The following IL18R1 variants were observed in gnomAD, a reference collection of about 807,000 sequenced individuals.
IL18R1 encodes the protein interleukin-18 receptor 1.
IL18R1 carries 40 observed loss-of-function variants against 48.5 expected under a neutral mutation model. The ratio of observed to expected loss-of-function variants is 0.82; its 90% CI spans 0.64 to 1.07. The LOEUF (loss-of-function observed/expected upper bound fraction) is 1.07. IL18R1 is among the 50% of genes least tolerant of loss of function. The probability of loss-of-function intolerance (pLI) is 0.00; values close to 1 mark genes in which losing one functional copy is unlikely to be tolerated. For synonymous variants in IL18R1, 232 were observed against 225.9 expected, an observed-to-expected ratio of 1.03 and a Z score of -0.24; for missense variants, 596 against 633.7, an observed-to-expected ratio of 0.94 and a Z score of 0.64.
Position 102,381,631 on chromosome 2 carries a change from A to G in IL18R1, c.637A>G (p.Ile213Val), listed in dbSNP as rs2105094351. The G allele has an allele frequency of 3.7e-6, 6 of 1,612,924 alleles. No homozygotes were observed. The highest frequency in any genetic ancestry group is 5.1e-6 in the Non-Finnish European group (6 of 1,178,898). ...NITIVEDRSN[I>V]VPVLLGPKLN... ...TTTGTCACTTCTAGATCGCAGTAAT[A>G]TAGTTCCGGTTCTTCTTGGACCAAA... Residue 213 changes from isoleucine (I) to valine (V), a missense_variant, in exon 6 of 11, where the codon ATA becomes GTA. Ile to Val is a conservative substitution (Grantham distance 29). This residue lies in a region of IL18R1 where 360 missense variants were observed against 339.4 expected (regional missense o/e 1.06). Transcript: ENST00000233957.
chr2:102,356,512 GAT>G (rs1054233958), intron 1 of IL18R1, 112 bp downstream of exon 1: 7 of 155,946 alleles, frequency 4.5e-5, no homozygotes, highest in Non-Finnish European at 8.4e-5. Context: ...GAGAGAGAGA[GAT>G]AGTGTGTGTG....
Position 102,376,069 on chromosome 2 carries a change from G to A in IL18R1, c.625+6G>A. On this transcript the variant is annotated splice_donor_region_variant and intron_variant, in intron 5 of 10. Coordinates refer to ENST00000233957, the MANE Select transcript of IL18R1 (RefSeq NM_003855.5). Reference sequence around the variant, plus strand: ...CAATATAACAATAGTGGAAGGTAAGGGAAATCTTAGAATTGGGAAGAAACA... The same window carrying A: ...CAATATAACAATAGTGGAAGGTAAGAGAAATCTTAGAATTGGGAAGAAACA... The A allele has an allele frequency of 1.3e-6, 2 of 1,550,850 alleles. No individual in the cohort carries two copies. The highest frequency in any genetic ancestry group is 8.7e-7 in the Non-Finnish European group (1 of 1,154,644).
intron 2 of IL18R1, among the ~76,000 whole-genome samples, chr2:102,364,781 A>G (rs989151702): frequency 6.6e-6 from 1 of 152,196 alleles, no homozygotes; most frequent in Non-Finnish European, 1.5e-5. Context: ...GGGAGGCCTC[A>G]GGAAGCTTAC....
intron 2 of IL18R1, among the ~76,000 whole-genome samples, chr2:102,364,081 G>A (rs1678745533): frequency 6.6e-6 from 1 of 152,126 alleles, no homozygotes; most frequent in African/African-American, 2.4e-5. Flanking sequence ...GGGTGGTGTG[G>A]ACTTTCAATT....
Position 102,380,715 on chromosome 2 carries a change from G to A in IL18R1, c.626-905G>A, listed in dbSNP as rs138360799. ...TCAGGGAGGTGTGGGAGCTGCAGGA[G>A]CACTCCTGAGTCTCACTGTACTCCA... On this transcript the variant is annotated intron_variant, in intron 5 of 10. Coordinates refer to ENST00000233957, the MANE Select transcript of IL18R1 (RefSeq NM_003855.5). 2.3e-3 allele frequency among the ~76,000 whole-genome samples: 354 copies of A among 152,294 alleles called. 1 individual carries two copies. The highest frequency in any genetic ancestry group is 3.2e-3 in the Non-Finnish European group (219 of 68,028).
chr2:102,357,628 G>A (rs894305211), intron 1 of IL18R1, among the ~76,000 whole-genome samples: 7 of 152,142 alleles, frequency 4.6e-5, no homozygotes, highest in Non-Finnish European at 8.8e-5. Context: ...TGTGCCATTT[G>A]GGGCTGTTGC....
intron 5 of IL18R1, among the ~76,000 whole-genome samples, chr2:102,377,759 C>T (rs1679679473): frequency 6.6e-6 from 1 of 152,228 alleles, no homozygotes; most frequent in Admixed American, 6.5e-5. Context: ...CTGTCTCCCT[C>T]TGATGAGGAC....
rs1680913191 is a variant in IL18R1 at position 102,398,101 on chromosome 2, T to C, written c.*1215T>C. ...ACAGAGCAGGGAAGGGAAGCAGATCTAGGGAGGAAGGCAGTTTTGATTTGA... is the reference window on the plus strand; with the variant it reads ...ACAGAGCAGGGAAGGGAAGCAGATCCAGGGAGGAAGGCAGTTTTGATTTGA... On this transcript the variant is annotated 3_prime_UTR_variant, in exon 11 of 11. Coordinates refer to ENST00000233957, the MANE Select transcript of IL18R1 (RefSeq NM_003855.5). The C allele has an allele frequency of 6.6e-6, 1 of 152,340 alleles. No individual in the cohort carries two copies. 9.4% of individuals were successfully genotyped at this position (152,340 alleles called of 1,614,324 possible).
intron 10 of IL18R1, among the ~76,000 whole-genome samples, chr2:102,395,123 A>T (rs1461582319): frequency 6.6e-6 from 1 of 152,206 alleles, no homozygotes; most frequent in Admixed American, 6.5e-5. Flanking sequence ...GAAAATTGAA[A>T]AGGGAAAAAT....
At chr2:102,357,700 G>A (rs1376789330) in intron 1 of IL18R1, among the ~76,000 whole-genome samples, 1 of 152,058 alleles carries the variant, frequency 6.6e-6, no homozygotes, top group Non-Finnish European at 1.5e-5. Context: ...CTAGGGACCT[G>A]GCATCTGGGA....
At chr2:102,362,991 C>T (rs575830057) in intron 2 of IL18R1, 1 of 250,670 alleles carries the variant, frequency 4.0e-6, no homozygotes, top group Non-Finnish European at 7.5e-6. Flanking sequence ...TTGAAACACA[C>T]TTTCTCCTTC....
Position 102,397,244 on chromosome 2 carries a change from A to G in IL18R1, c.*358A>G, listed in dbSNP as rs905628650. The G allele has an allele frequency of 5.2e-6, 1 of 191,050 alleles. No individual in the cohort carries two copies. Among genetic ancestry groups the G allele is most frequent in the South Asian group, 1.5e-4 (1 of 6,884 alleles). 11.8% of individuals were successfully genotyped at this position (191,050 alleles called of 1,614,324 possible). The stretch of plus-strand genomic sequence containing the variant: ...AAAAGGGCGCATCTTTAAGAGTTTT[A>G]ATGCCAGTGCTTAATTCGAATGAGG... On this transcript the variant is annotated 3_prime_UTR_variant, in exon 11 of 11. Transcript: ENST00000233957.
intron 9 of IL18R1, among the ~76,000 whole-genome samples, chr2:102,390,978 A>G (rs929708784): frequency 1.9e-4 from 28 of 149,814 alleles, no homozygotes; most frequent in African/African-American, 6.6e-4. Context: ...CCGAGCTGGA[A>G]GCCAAATGAT....
At chr2:102,389,986 C>G in intron 8 of IL18R1, 70 bp from the exon 9 acceptor site, 1 of 1,491,414 alleles carries the variant, frequency 6.7e-7, no homozygotes, top group Non-Finnish European at 9.2e-7. Flanking sequence ...AATGGACAAG[C>G]ACGTGATGAT....
chr2:102,394,463 T>A lies in IL18R1; in HGVS notation c.1112-6T>A. The A allele has an allele frequency of 6.2e-7, 1 of 1,603,330 alleles. No individual in the cohort carries two copies. The highest frequency in any genetic ancestry group is 8.5e-7 in the Non-Finnish European group (1 of 1,173,988). ...ATGAATTAAAAGAGCCAATCTTACC[T>A]CCTAGATGGAAAAACATATGATGCT... On this transcript the variant is annotated splice_region_variant and splice_polypyrimidine_tract_variant and intron_variant, in intron 9 of 10. Transcript: ENST00000233957.
At chr2:102,372,369 A>ACTC (rs959990848) in intron 4 of IL18R1, among the ~76,000 whole-genome samples, 12 of 151,692 alleles carry the variant, frequency 7.9e-5, no homozygotes, top group African/African-American at 2.9e-4. Flanking sequence ...CTTCTCCCAC[A>ACTC]CTCTTCCTTC....
At chr2:102,369,354 G>A (rs916581268) in intron 3 of IL18R1, among the ~76,000 whole-genome samples, 2 of 152,342 alleles carry the variant, frequency 1.3e-5, no homozygotes, top group African/African-American at 2.4e-5. Flanking sequence ...TTCTGATACG[G>A]GTAGTAGAGA....
chr2:102,375,765 T>A, intron 4 of IL18R1, 142 bp from the exon 5 acceptor site: 1 of 529,926 alleles, frequency 1.9e-6, no homozygotes. Context: ...TAGTACCAAG[T>A]AACTGGGACA....
intron 3 of IL18R1, among the ~76,000 whole-genome samples, chr2:102,369,690 C>A (rs1440304867): frequency 6.6e-6 from 1 of 152,208 alleles, no homozygotes. Context: ...TGTGTTCTAA[C>A]TTAGGTGTGT....
Sources: gnomAD v4.1 joint callset for allele counts (sites outside exome capture counted in the v4.1 genomes callset) on GRCh38, gnomAD v4.1.1 for gene constraint, gnomAD v4.1.1 regional missense constraint, MANE v1.5 for transcripts, NCBI Gene and HGNC (gene_info 2026-07-23, HGNC 2026-07-21) for gene names.